The following SLC10A7 variants were observed in gnomAD, a reference collection of about 807,000 sequenced individuals.
SLC10A7 encodes sodium/bile acid cotransporter 7.
Under a neutral mutation model 43.2 loss-of-function variants are expected in SLC10A7, and 29 were observed. The observed-to-expected ratio is 0.67, with a 90% CI of 0.50 to 0.92. The LOEUF (loss-of-function observed/expected upper bound fraction) is 0.92. SLC10A7 is among the 40% of genes least tolerant of loss of function. The pLI is 0.00. For synonymous variants in SLC10A7, 152 were observed against 144.8 expected, an observed-to-expected ratio of 1.05 and a Z score of -0.35; for missense variants, 295 against 403.2, an observed-to-expected ratio of 0.73 and a Z score of 2.30.
chr4:146,305,916 G>A lies in SLC10A7; in HGVS notation c.555+10C>T. ...ATAAAGAAAAGATCAGATAGAATTG[G>A]AGGCCTTACCTGTCCAATGATGAGA... On this transcript the variant is annotated intron_variant, in intron 7 of 11. Coordinates refer to ENST00000335472, the MANE Select transcript of SLC10A7 (RefSeq NM_001029998.6). 6.3e-7 allele frequency: 1 copy of A among 1,589,682 alleles called. No homozygotes were observed. Among genetic ancestry groups the A allele is most frequent in the Non-Finnish European group, 8.5e-7 (1 of 1,170,180 alleles).
At chr4:146,258,374 A>G (rs1198564908) in intron 11 of SLC10A7, among the ~76,000 whole-genome samples, 2 of 152,230 alleles carry the variant, frequency 1.3e-5, no homozygotes, top group Non-Finnish European at 2.9e-5. Flanking sequence ...ACCAGAGTGG[A>G]GCAGGTATCT....
chr4:146,521,877 G>A lies in SLC10A7; in HGVS notation c.-160C>T. On this transcript the variant is annotated 5_prime_UTR_variant, in exon 1 of 12. Transcript: ENST00000335472. ...ATTGTAAAGTAAAGACCTGGGGGTT[G>A]CTCCGGCGGCTTTGAGGAGGGTTGG... 4.9e-6 allele frequency: 3 copies of A among 610,266 alleles called. No individual in the cohort carries two copies. Among genetic ancestry groups the A allele is most frequent in the South Asian group, 4.1e-5 (2 of 48,990 alleles). 37.8% of individuals were successfully genotyped at this position (610,266 alleles called of 1,614,324 possible).
chr4:146,412,774 A>G (rs1180218546), intron 5 of SLC10A7, among the ~76,000 whole-genome samples: 5 of 152,120 alleles, frequency 3.3e-5, no homozygotes. Context: ...GGGGAGAAGA[A>G]CTAGAACAAA....
intron 5 of SLC10A7, among the ~76,000 whole-genome samples, chr4:146,384,954 T>C (rs1737887124): frequency 1.3e-5 from 2 of 152,128 alleles, no homozygotes; most frequent in African/African-American, 4.8e-5. Context: ...CTTTAAATTA[T>C]GGGTCTATCT....
chr4:146,407,095 T>C (rs1318547849), intron 5 of SLC10A7, among the ~76,000 whole-genome samples: 4 of 152,338 alleles, frequency 2.6e-5, no homozygotes, highest in South Asian at 2.1e-4. Context: ...CCCCTCACTT[T>C]ATCTTTTCAG....
rs555152890 is a variant in SLC10A7 at position 146,463,743 on chromosome 4, AAAAAC to A, written c.397-20927_397-20923del. ...GTGACAGAGCAAGACCCTGTCTTAAAAAAACAAAACAAAACAGAATTCAGGTCCAT... is the reference window on the plus strand; with the variant it reads ...GTGACAGAGCAAGACCCTGTCTTAAAAAAACAAAACAGAATTCAGGTCCAT... On this transcript the variant is annotated intron_variant, in intron 4 of 11. Transcript: ENST00000335472. Among the ~76,000 whole-genome samples, 348 of 152,218 alleles carry A rather than the reference AAAAAC, an allele frequency of 2.3e-3. 3 individuals carry two copies. Among genetic ancestry groups the A allele is most frequent in the African/African-American group, 8.0e-3 (331 of 41,516 alleles).
chr4:146,368,378 A>G (rs1406248991), intron 5 of SLC10A7, among the ~76,000 whole-genome samples: 1 of 152,218 alleles, frequency 6.6e-6, no homozygotes, highest in African/African-American at 2.4e-5. Context: ...TGAAAGCTTA[A>G]CAGTACAAAT....
chr4:146,475,291 T>C (rs1420536698), intron 4 of SLC10A7, among the ~76,000 whole-genome samples: 1 of 152,164 alleles, frequency 6.6e-6, no homozygotes, highest in African/African-American at 2.4e-5. Context: ...TGATTATCTA[T>C]CAGCTGTAGT....
At chr4:146,305,727 C>G (rs1188298962) in intron 7 of SLC10A7, among the ~76,000 whole-genome samples, 199 bp downstream of exon 7, 8 of 151,934 alleles carry the variant, frequency 5.3e-5, no homozygotes, top group African/African-American at 1.9e-4. Context: ...CTATATACAG[C>G]TAACTGCAAA....
At chr4:146,286,922 A>T (rs1730030303) in intron 9 of SLC10A7, among the ~76,000 whole-genome samples, 2 of 133,262 alleles carry the variant, frequency 1.5e-5, no homozygotes, top group African/African-American at 5.8e-5. Context: ...GAACTTGGAG[A>T]GTTGAGAAAG....
At chr4:146,399,991 C>T (rs2679137) in intron 5 of SLC10A7, among the ~76,000 whole-genome samples, 124,697 of 152,052 alleles carry the variant, frequency 0.82, 51,923 homozygotes, top group African/African-American at 0.95. Flanking sequence ...TGGGAAGATA[C>T]TGTAGACAGA....
chr4:146,364,248 G>A (rs1243075722), intron 5 of SLC10A7, among the ~76,000 whole-genome samples: 1 of 151,936 alleles, frequency 6.6e-6, no homozygotes, highest in Non-Finnish European at 1.5e-5. Context: ...TAGAAGAAAT[G>A]GATTAATTCC....
chr4:146,427,353 T>A (rs1291129139), intron 5 of SLC10A7, among the ~76,000 whole-genome samples: 1 of 152,178 alleles, frequency 6.6e-6, no homozygotes. Context: ...TTCTTCTTAA[T>A]CTGGATGTTT....
chr4:146,393,059 T>C (rs1358409474), intron 5 of SLC10A7, among the ~76,000 whole-genome samples: 1 of 151,590 alleles, frequency 6.6e-6, no homozygotes, highest in African/African-American at 2.4e-5. Context: ...TAAAAGTCAA[T>C]TGTGTCCCAG....
At chr4:146,412,270 A>G (rs1728250837) in intron 5 of SLC10A7, among the ~76,000 whole-genome samples, 1 of 152,148 alleles carries the variant, frequency 6.6e-6, no homozygotes, top group Admixed American at 6.6e-5. Context: ...ATTTTAAAAC[A>G]AGTTACTAAT....
chr4:146,267,526 T>C (rs1001985414), intron 10 of SLC10A7, among the ~76,000 whole-genome samples: 2 of 152,214 alleles, frequency 1.3e-5, no homozygotes, highest in Non-Finnish European at 2.9e-5. Context: ...AAATTCTCCA[T>C]GGTATTTTAA....
intron 4 of SLC10A7, among the ~76,000 whole-genome samples, chr4:146,487,746 TAA>T (rs756327510): frequency 7.9e-5 from 12 of 152,170 alleles, no homozygotes; most frequent in Non-Finnish European, 1.6e-4. Context: ...ATATGGAAGT[TAA>T]AGATAGAAAA....
At chr4:146,397,296 A>C (rs980825284) in intron 5 of SLC10A7, among the ~76,000 whole-genome samples, 1 of 152,188 alleles carries the variant, frequency 6.6e-6, no homozygotes, top group Admixed American at 6.6e-5. Context: ...CTTGCACACT[A>C]TATGTCAACT....
intron 7 of SLC10A7, among the ~76,000 whole-genome samples, chr4:146,303,335 T>C (rs1264747991): frequency 6.6e-6 from 1 of 152,118 alleles, no homozygotes; most frequent in Non-Finnish European, 1.5e-5. Context: ...TAGGACAGCA[T>C]GTAAATATTA....
Sources: allele counts gnomAD v4.1 joint callset (sites outside exome capture counted in the v4.1 genomes callset), GRCh38; gene constraint gnomAD v4.1.1; transcripts MANE v1.5; gene names NCBI Gene and HGNC (gene_info 2026-07-23, HGNC 2026-07-21).